The following DNAH6 variants were observed in gnomAD, a reference collection of about 807,000 sequenced individuals.
The protein encoded by DNAH6 is dynein axonemal heavy chain 6, also known as axonemal beta dynein heavy chain 6.
Under a neutral mutation model 491.4 loss-of-function variants are expected in DNAH6, and 340 were observed. That is an observed-to-expected ratio of 0.69 (90% CI 0.63 to 0.76). The LOEUF (loss-of-function observed/expected upper bound fraction) is 0.76. DNAH6 is among the 30% of genes least tolerant of loss of function. The pLI, the probability that DNAH6 is intolerant of heterozygous loss-of-function variation, is 0.00. For missense variants in DNAH6, 4,443 were observed against 4,972.2 expected, an observed-to-expected ratio of 0.89 and a Z score of 3.20; for synonymous variants, 1,603 against 1,686.1, an observed-to-expected ratio of 0.95 and a Z score of 1.21.
chr2:84,665,515 TC>T (rs1200491673), intron 37 of DNAH6, among the ~76,000 whole-genome samples: 4 of 152,074 alleles, frequency 2.6e-5, no homozygotes, highest in African/African-American at 9.7e-5. Context: ...ATGGATAAAT[TC>T]CTGGACACAT....
At chr2:84,639,865 A>T (rs980399649) in intron 31 of DNAH6, among the ~76,000 whole-genome samples, 1 of 152,208 alleles carries the variant, frequency 6.6e-6, no homozygotes, top group African/African-American at 2.4e-5. Context: ...TTTCAGGCAG[A>T]TTATAAATAG....
chr2:84,751,921 ACT>A (rs1468059483), intron 63 of DNAH6, among the ~76,000 whole-genome samples: 2 of 152,256 alleles, frequency 1.3e-5, no homozygotes, highest in African/African-American at 4.8e-5. Flanking sequence ...TTTGAGAACC[ACT>A]GTTTTAAGGT....
At chr2:84,738,787 A>G (rs1383279482) in intron 62 of DNAH6, among the ~76,000 whole-genome samples, 4 of 152,068 alleles carry the variant, frequency 2.6e-5, no homozygotes, top group Non-Finnish European at 5.9e-5. Context: ...TTTTCATTCA[A>G]TTTGATACTC....
chr2:84,638,348 G>T (rs1689063739), intron 31 of DNAH6, among the ~76,000 whole-genome samples: 1 of 151,700 alleles, frequency 6.6e-6, no homozygotes, highest in South Asian at 2.1e-4. Context: ...TTTTATTGAG[G>T]TATAATTTAT....
At chr2:84,771,923 A>G (rs1238352668) in intron 64 of DNAH6, among the ~76,000 whole-genome samples, 2 of 152,202 alleles carry the variant, frequency 1.3e-5, no homozygotes, top group African/African-American at 2.4e-5. Context: ...ACATAGGTAA[A>G]TATATGTCAC....
chr2:84,741,305 G>T (rs1672508063), intron 62 of DNAH6, among the ~76,000 whole-genome samples: 1 of 152,032 alleles, frequency 6.6e-6, no homozygotes, highest in Non-Finnish European at 1.5e-5. Flanking sequence ...GCGGATCACT[G>T]CCCAGGCAGG....
At chr2:84,736,811 G>C (rs944619719) in intron 62 of DNAH6, among the ~76,000 whole-genome samples, 1 of 151,712 alleles carries the variant, frequency 6.6e-6, no homozygotes, top group Non-Finnish European at 1.5e-5. Flanking sequence ...TTTCCTGTTT[G>C]GATAAATTTC....
chr2:84,757,692 C>T (rs1674178603), intron 63 of DNAH6, among the ~76,000 whole-genome samples: 1 of 152,206 alleles, frequency 6.6e-6, no homozygotes, highest in African/African-American at 2.4e-5. Flanking sequence ...GCAGAGAACT[C>T]TAAACCACCT....
chr2:84,520,446 G>A lies in DNAH6; in HGVS notation c.225+2395G>A, dbSNP rs534408424. ...TTTTTTAACGTTTATTTTAGATTCA[G>A]GGGTATATGTACAGATTTGTTACAT... On this transcript the variant is annotated intron_variant, in intron 2 of 76. Coordinates refer to ENST00000389394, the MANE Select transcript of DNAH6 (RefSeq NM_001370.2). Among the ~76,000 whole-genome samples the A allele has an allele frequency of 3.3e-5, 5 of 152,180 alleles. No homozygotes were observed. In the East Asian group the frequency reaches 9.7e-4, roughly 29 times the overall value.
At chr2:84,702,863 A>C (rs1362014047) in intron 49 of DNAH6, among the ~76,000 whole-genome samples, 1 of 152,146 alleles carries the variant, frequency 6.6e-6, no homozygotes, top group Non-Finnish European at 1.5e-5. Context: ...CTCACCTTCG[A>C]AAAACAGTTC....
chr2:84,571,392 G>T (rs918337021), intron 11 of DNAH6, among the ~76,000 whole-genome samples: 5 of 152,152 alleles, frequency 3.3e-5, no homozygotes, highest in Admixed American at 3.3e-4. Context: ...CCTGCCAAAC[G>T]CTGCCTTAGC....
At chr2:84,590,556 G>T (rs1684021072) in intron 16 of DNAH6, among the ~76,000 whole-genome samples, 1 of 144,612 alleles carries the variant, frequency 6.9e-6, no homozygotes, top group South Asian at 2.3e-4. Flanking sequence ...GAGCAAGAAA[G>T]AATATCTTTG....
intron 37 of DNAH6, among the ~76,000 whole-genome samples, chr2:84,668,298 C>T (rs986211971): frequency 6.6e-6 from 1 of 152,068 alleles, no homozygotes; most frequent in Non-Finnish European, 1.5e-5. Flanking sequence ...GTGAATTGCA[C>T]ATAGTAGAGG....
intron 5 of DNAH6, among the ~76,000 whole-genome samples, chr2:84,546,099 A>G (rs1189639084): frequency 6.6e-6 from 1 of 152,018 alleles, no homozygotes; most frequent in Non-Finnish European, 1.5e-5. Context: ...CCTTCCCCCA[A>G]CTATAGGCAA....
At chr2:84,536,940 A>G (rs908949919) in intron 4 of DNAH6, among the ~76,000 whole-genome samples, 3 of 152,018 alleles carry the variant, frequency 2.0e-5, no homozygotes, top group African/African-American at 4.8e-5. Flanking sequence ...ATAATCTCAC[A>G]TATTATGTGC....
chr2:84,592,243 C>T (rs1296194212), intron 16 of DNAH6, among the ~76,000 whole-genome samples: 1 of 151,212 alleles, frequency 6.6e-6, no homozygotes, highest in Admixed American at 6.6e-5. Context: ...TCCTACAACA[C>T]AATAGCCAAA....
chr2:84,593,912 A>G (rs1684338466), intron 16 of DNAH6, 60 bp from the exon 17 acceptor site: 1 of 934,424 alleles, frequency 1.1e-6, no homozygotes, highest in Admixed American at 2.3e-5. Context: ...ATAGGAGAAT[A>G]GCATATGCTC....
At chr2:84,509,051 T>TG in the DNAH6 span, among the ~76,000 whole-genome samples, 1,465 of 152,300 alleles carry the variant, frequency 9.6e-3, 25 homozygotes, top group African/African-American at 0.034. Flanking sequence ...TCTGTTGATT[T>TG]GGGGTGGAGA....
At chr2:84,624,718 A>G in intron 28 of DNAH6, 98 bp downstream of exon 28, 1 of 1,358,666 alleles carries the variant, frequency 7.4e-7, no homozygotes, top group South Asian at 1.5e-5. Context: ...GAAAGAATTT[A>G]TTATGAATAC....
Sources: gnomAD v4.1 joint callset for allele counts (sites outside exome capture counted in the v4.1 genomes callset) on GRCh38, gnomAD v4.1.1 for gene constraint, MANE v1.5 for transcripts, NCBI Gene and HGNC (gene_info 2026-07-23, HGNC 2026-07-21) for gene names.